CSF3R: variants seen among roughly 807,000 people sequenced by gnomAD.
The protein encoded by CSF3R is granulocyte colony-stimulating factor receptor.
A neutral mutation model predicts 84.4 loss-of-function variants in CSF3R; 52 were observed. The observed-to-expected ratio is 0.62, with a 90% confidence interval of 0.49 to 0.78. The LOEUF is 0.78. CSF3R is among the 30% of genes least tolerant of loss of function. The pLI, the probability that CSF3R is intolerant of heterozygous loss-of-function variation, is 0.00. For synonymous variants in CSF3R, 384 were observed against 429.1 expected, an observed-to-expected ratio of 0.89 and a Z score of 1.30; for missense variants, 890 against 1,055.7, an observed-to-expected ratio of 0.84 and a Z score of 2.17.
intron 3 of CSF3R, among the ~76,000 whole-genome samples, chr1:36,478,697 C>A (rs3917929): frequency 0.66 from 95,703 of 144,836 alleles, 31,261 homozygotes; most frequent in African/African-American, 0.78. Context: ...AAAAATACAA[C>A]AACAAAAAAA....
At chr1:36,468,244 G>T (rs1276404587) in intron 12 of CSF3R, 23 bp from the exon 13 acceptor site, 1 of 1,555,562 alleles carries the variant, frequency 6.4e-7, no homozygotes, top group Admixed American at 1.9e-5. Flanking sequence ...AGAGGTGCGG[G>T]GGCTGAAGGG....
chr1:36,466,819 G>A lies in CSF3R; in HGVS notation c.2049C>T (p.Phe683=), dbSNP rs757862279. ...GTGGCGTGCCAAGGCCGGGCAGCTG[G>A]AAGGCATCCTGCACACAAGGATGTG... ...WVPTIMEEDA[F]QLPGLGTPPI... Residue 683 remains phenylalanine (F), a synonymous_variant, in exon 17 of 17, where the codon TTC becomes TTT. Transcript: ENST00000373106. The surrounding 1 kb of genome is among the most constrained non-coding windows in gnomAD (Gnocchi z 4.6). The A allele has an allele frequency of 6.2e-7, 1 of 1,614,198 alleles. No individual in the cohort carries two copies. The highest frequency in any genetic ancestry group is 2.2e-5 in the East Asian group (1 of 44,886).
At position 36,469,844 on chromosome 1, in the gene CSF3R, G is replaced by A. The variant is rs1570583247; in HGVS notation, c.1286-4C>T. ...TGGAGTCTGGTCAGAGCTGGGCCTG[G>A]AGACAGGGTGGGAAATGGTGGAATG... On this transcript the variant is annotated splice_polypyrimidine_tract_variant and splice_region_variant and intron_variant, in intron 10 of 16. Transcript: ENST00000373106. 9.9e-6 allele frequency: 16 copies of A among 1,613,916 alleles called. No individual in the cohort carries two copies. Among genetic ancestry groups the A allele is most frequent in the Non-Finnish European group, 1.4e-5 (16 of 1,180,002 alleles).
Position 36,473,907 on chromosome 1 carries a change from G to A in CSF3R, c.362-20C>T. On this transcript the variant is annotated intron_variant, in intron 4 of 16. Transcript: ENST00000373106. ...GAGGGTCTGCATGTGGGTGGGAAGAGTGTGAGGGCTTTGGGTGGGACCACT... is the reference window on the plus strand; with the variant it reads ...GAGGGTCTGCATGTGGGTGGGAAGAATGTGAGGGCTTTGGGTGGGACCACT... 1 of 1,613,634 alleles carries A rather than the reference G, an allele frequency of 6.2e-7. No individual in the cohort carries two copies. Among genetic ancestry groups the A allele is most frequent in the African/African-American group, 1.3e-5 (1 of 75,054 alleles).
chr1:36,476,695 C>T (rs1651175995), intron 3 of CSF3R, among the ~76,000 whole-genome samples: 2 of 150,918 alleles, frequency 1.3e-5, no homozygotes, highest in African/African-American at 2.4e-5. Context: ...AGTTCTTGCT[C>T]TGTCACTCAG....
rs1254834650 is a variant in CSF3R at position 36,467,630 on chromosome 1, A to G, written c.1886T>C (p.Ile629Thr). ...LTPEGSELHI[I>T]LGLFGLLLLL... ...CAGCAGGAGGCCGAACAGGCCCAGG[A>G]TGATGTGTAGCTCCGACCCCTCTGC... Residue 629 changes from isoleucine to threonine, a missense_variant, in exon 15 of 17, where the codon ATC (isoleucine) becomes ACC (threonine). Transcript: ENST00000373106. This position sits in a 1 kb window ranked among gnomAD's most constrained non-coding sequence, Gnocchi z 4.1. 1 of 1,614,156 alleles carries G rather than the reference A, an allele frequency of 6.2e-7. No individual in the cohort carries two copies.
Position 36,472,127 on chromosome 1 carries a change from C to G in CSF3R, c.1010G>C (p.Arg337Thr). 1 of 1,613,956 alleles carries G rather than the reference C, an allele frequency of 6.2e-7. No individual in the cohort carries two copies. The highest frequency in any genetic ancestry group is 8.5e-7 in the Non-Finnish European group (1 of 1,180,018). ...LRTTERAPTV[R>T]LDTWWRQRQL... is the part of the protein sequence containing the mutation. ...CCTCTGCCGCCACCATGTGTCCAGT[C>G]TGACAGTGGGGGCTGTGGATGGAAC... The change falls in exon 9 of 17, where the codon AGA becomes ACA. Residue 337 changes from arginine to threonine, a missense_variant. Transcript: ENST00000373106. The surrounding 1 kb of genome is among the most constrained non-coding windows in gnomAD (Gnocchi z 5.0).
intron 3 of CSF3R, among the ~76,000 whole-genome samples, chr1:36,476,827 A>AT (rs1229162381): frequency 9.9e-5 from 15 of 151,054 alleles, no homozygotes; most frequent in Admixed American, 9.9e-4. Flanking sequence ...CACCTTGCTA[A>AT]TTTTTTGATT....
At position 36,466,704 on chromosome 1, in the gene CSF3R, T is replaced by C. The variant is rs2124096799; in HGVS notation, c.2164A>G (p.Thr722Ala). Residue 722 changes from threonine (T) to alanine (A), a missense_variant, in exon 17 of 17, where the codon ACT becomes GCT. Thr to Ala is a moderately conservative substitution (Grantham distance 58). Transcript: ENST00000373106. The surrounding 1 kb of genome is among the most constrained non-coding windows in gnomAD (Gnocchi z 4.6). Reference protein sequence around the residue: ...HNSSETCGLPTLVQTYVLQGD... With the variant: ...HNSSETCGLPALVQTYVLQGD... ...TGGAGCACATAGGTCTGGACCAGAG[T>C]GGGGAGGCCACAGGTCTCTGAGCTG... 6.2e-7 allele frequency: 1 copy of C among 1,614,026 alleles called. No individual in the cohort carries two copies. The highest frequency in any genetic ancestry group is 1.7e-5 in the Admixed American group (1 of 60,008).
chr1:36,471,858 T>C, intron 9 of CSF3R: 2 of 686,510 alleles, frequency 2.9e-6, no homozygotes, highest in South Asian at 3.6e-5. Flanking sequence ...AGCAGGCTCT[T>C]AACTATTCAC....
At position 36,472,943 on chromosome 1, in the gene CSF3R, C is replaced by T; in HGVS notation, c.674-257G>A. The T allele has an allele frequency of 1.9e-6, 1 of 518,748 alleles. No individual in the cohort carries two copies. 32.1% of individuals were successfully genotyped at this position (518,748 alleles called of 1,614,324 possible). A position where few individuals can be genotyped will look rare whatever the true frequency, so the allele number is the denominator to read the frequency against. On this transcript the variant is annotated intron_variant, in intron 6 of 16. Transcript: ENST00000373106. The surrounding 1 kb of genome is among the most constrained non-coding windows in gnomAD (Gnocchi z 5.0). ...ATCCAGCGGCTTGCTCCCTCATTTC[C>T]TTCAAGGATCTGCTCAATTGTCACC... is the stretch of plus-strand genomic sequence containing the variant.
chr1:36,470,224 G>A (rs988608655), intron 10 of CSF3R, among the ~76,000 whole-genome samples: 3 of 151,862 alleles, frequency 2.0e-5, no homozygotes, highest in Admixed American at 6.6e-5. Flanking sequence ...TTGCTCTGTC[G>A]CCCAGGCTGG....
At chr1:36,477,540 A>G (rs3917937) in intron 3 of CSF3R, 104,149 of 151,824 alleles carry the variant, frequency 0.69, 36,233 homozygotes, top group African/African-American at 0.82. Context: ...GATGACAGGC[A>G]TGAGCCACTG....
In CSF3R at chr1:36,468,067, A is replaced by G. The variant is rs143931193; in HGVS notation, c.1723+8T>C. The G allele has an allele frequency of 1.6e-4, 257 of 1,614,238 alleles. 1 individual carries two copies. The African/African-American group carries it at 2.8e-3, about 17-fold the overall frequency. On this transcript the variant is annotated splice_region_variant and intron_variant, in intron 13 of 16. Transcript: ENST00000373106. ...CTGGGGCTGTGGGGGAACTGAGGAT[A>G]GACTCACAGAAGGACTGGTTCTGAG... is the stretch of plus-strand genomic sequence containing the variant.
At chr1:36,478,315 C>G (rs3917932) in intron 3 of CSF3R, among the ~76,000 whole-genome samples, 89,273 of 151,454 alleles carry the variant, frequency 0.59, 26,322 homozygotes, top group South Asian at 0.69. Context: ...GATCACCTGA[C>G]GTCAGGAGTT....
intron 3 of CSF3R, 89 bp downstream of exon 3, chr1:36,479,344 A>G (rs1570602086): frequency 7.8e-7 from 1 of 1,281,692 alleles, no homozygotes; most frequent in Non-Finnish European, 1.1e-6. Context: ...TGGGAATCCC[A>G]GGAGCCATGT....
intron 4 of CSF3R, among the ~76,000 whole-genome samples, chr1:36,474,390 C>CTTTTTTTTT (rs911099378): frequency 4.6e-5 from 4 of 86,274 alleles, no homozygotes; most frequent in African/African-American, 1.5e-4. Context: ...ATTACTGGTG[C>CTTTTTTTTT]TTTTTTTTTT....
chr1:36,466,953 A>G lies in CSF3R; in HGVS notation c.2041-126T>C. 6.2e-7 allele frequency: 1 copy of G among 1,604,902 alleles called. No homozygotes were observed. Among genetic ancestry groups the G allele is most frequent in the Non-Finnish European group, 8.5e-7 (1 of 1,175,164 alleles). On this transcript the variant is annotated intron_variant, in intron 16 of 16. Coordinates refer to ENST00000373106, the MANE Select transcript of CSF3R (RefSeq NM_000760.4). This position sits in a 1 kb window ranked among gnomAD's most constrained non-coding sequence, Gnocchi z 4.6. ...TTGTTACTGGTGGAACACAAAGGGT[A>G]CCACTTGCAAAGCACTAGTATGTTC... is the stretch of plus-strand genomic sequence containing the variant.
Position 36,475,543 on chromosome 1 carries a change from C to T in CSF3R, c.195G>A (p.Leu65=), listed in dbSNP as rs369091565. The T allele has an allele frequency of 4.3e-5, 69 of 1,614,016 alleles. No homozygotes were observed. Among genetic ancestry groups the T allele is most frequent in the Non-Finnish European group, 5.3e-5 (63 of 1,180,024 alleles). ...TGCCCCCGGGCTGAAGCTCTGCTCC[C>T]AGTCTCCACAGAATCTGTGGCTCCG... The part of the protein sequence containing the change: ...LDPEPQILWR[L]GAELQPGGRQ... The change falls in exon 4 of 17, where the codon CTG becomes CTA. Residue 65 remains leucine, a synonymous_variant. Transcript: ENST00000373106.
Sources: gnomAD v4.1 joint callset for allele counts (sites outside exome capture counted in the v4.1 genomes callset) on GRCh38, gnomAD v4.1.1 for gene constraint, Gnocchi (gnomAD v3.1) non-coding constraint, MANE v1.5 for transcripts, NCBI Gene and HGNC (gene_info 2026-07-23, HGNC 2026-07-21) for gene names.